ATP2B2: variants seen among roughly 807,000 people sequenced by gnomAD.
ATP2B2 encodes the protein ATPase plasma membrane Ca2+ transporting 2.
A neutral mutation model predicts 120.0 loss-of-function variants in ATP2B2; 15 were observed. That is an observed-to-expected ratio of 0.12 (90% CI 0.08 to 0.19). The LOEUF (loss-of-function observed/expected upper bound fraction) is 0.19, where lower values mean the gene tolerates loss of function less well. Ranked by LOEUF, ATP2B2 falls within the 10% of genes least tolerant of loss-of-function variation. The pLI is 1.00. For synonymous variants in ATP2B2, 694 were observed against 700.3 expected (o/e 0.99, Z 0.14); for missense variants, 1,045 against 1,719.8 (o/e 0.61, Z 6.94).
At chr3:10,456,988 T>G (rs910514885) in intron 1 of ATP2B2, among the ~76,000 whole-genome samples, 16 of 152,232 alleles carry the variant, frequency 1.1e-4, no homozygotes, top group African/African-American at 3.9e-4. Context: ...TCAGCCATTC[T>G]CTTAGATATC....
chr3:10,474,103 T>C (rs2065117048), intron 1 of ATP2B2, among the ~76,000 whole-genome samples: 1 of 151,518 alleles, frequency 6.6e-6, no homozygotes. Flanking sequence ...GCAGCAGTGG[T>C]GTTGGAGAGG....
At chr3:10,460,857 C>A (rs1193096041) in intron 1 of ATP2B2, among the ~76,000 whole-genome samples, 1 of 152,158 alleles carries the variant, frequency 6.6e-6, no homozygotes, top group Non-Finnish European at 1.5e-5. Context: ...TAAGTGGTAG[C>A]ATCTCAGTCT....
intron 12 of ATP2B2, among the ~76,000 whole-genome samples, chr3:10,367,115 G>T (rs2061084439): frequency 1.3e-5 from 2 of 152,140 alleles, no homozygotes; most frequent in Admixed American, 6.5e-5. Flanking sequence ...GGGCTTATTT[G>T]CTACCACTGG....
At chr3:10,547,848 T>A (rs2067585423) in intron 2 of ATP2B2, among the ~76,000 whole-genome samples, 1 of 152,200 alleles carries the variant, frequency 6.6e-6, no homozygotes, top group Non-Finnish European at 1.5e-5. Flanking sequence ...AGTTTAGACA[T>A]TTGCTGAACA....
intron 1 of ATP2B2, among the ~76,000 whole-genome samples, chr3:10,689,254 G>C (rs868610032): frequency 2.0e-5 from 3 of 152,096 alleles, no homozygotes; most frequent in African/African-American, 7.2e-5. Flanking sequence ...TGTGGGTGGC[G>C]GGGCACATGA....
intron 2 of ATP2B2, among the ~76,000 whole-genome samples, chr3:10,552,501 G>C (rs2067691638): frequency 1.3e-5 from 2 of 152,242 alleles, no homozygotes; most frequent in Non-Finnish European, 2.9e-5. Flanking sequence ...CACGTTCAAA[G>C]TCTTCTCACA....
At chr3:10,401,985 A>G in intron 4 of ATP2B2, 106 bp downstream of exon 4, 1 of 1,573,784 alleles carries the variant, frequency 6.4e-7, no homozygotes, top group Non-Finnish European at 8.6e-7. Flanking sequence ...ATCAGCCTTC[A>G]GGAATGCATC....
At chr3:10,337,172 T>A (rs113343491) in intron 22 of ATP2B2, among the ~76,000 whole-genome samples, 1 of 152,134 alleles carries the variant, frequency 6.6e-6, no homozygotes, top group Admixed American at 6.5e-5. Context: ...CACATCTACC[T>A]CCCAGGGCTG....
chr3:10,556,565 G>A (rs991083464), intron 2 of ATP2B2, among the ~76,000 whole-genome samples: 1 of 152,174 alleles, frequency 6.6e-6, no homozygotes, highest in African/African-American at 2.4e-5. Context: ...ACAGACTAGA[G>A]TGAGCAGCAC....
chr3:10,350,307 T>G, intron 15 of ATP2B2, 91 bp downstream of exon 15: 4 of 1,594,290 alleles, frequency 2.5e-6, no homozygotes, highest in Non-Finnish European at 3.4e-6. Flanking sequence ...AGCAGCACAC[T>G]GGCTGGCTTC....
intron 5 of ATP2B2, among the ~76,000 whole-genome samples, chr3:10,400,351 GC>G (rs2062177201): frequency 6.6e-6 from 1 of 152,202 alleles, no homozygotes; most frequent in Non-Finnish European, 1.5e-5. Flanking sequence ...CTGCTTCTGG[GC>G]TTTTGCCCCT....
intron 1 of ATP2B2, among the ~76,000 whole-genome samples, chr3:10,454,631 C>T (rs931231113): frequency 6.6e-6 from 1 of 152,190 alleles, no homozygotes; most frequent in Non-Finnish European, 1.5e-5. Context: ...CACTTTGGTG[C>T]TTGCTCTGAC....
intron 1 of ATP2B2, among the ~76,000 whole-genome samples, chr3:10,505,232 G>A (rs2066573580): frequency 6.6e-6 from 1 of 152,000 alleles, no homozygotes; most frequent in African/African-American, 2.4e-5. Flanking sequence ...CACAACACGC[G>A]GACCCTCACA....
At chr3:10,598,329 G>A (rs2068820937) in intron 2 of ATP2B2, among the ~76,000 whole-genome samples, 1 of 152,126 alleles carries the variant, frequency 6.6e-6, no homozygotes, top group Non-Finnish European at 1.5e-5. Context: ...TGAGCAAATG[G>A]CTTAACGTCA....
chr3:10,573,387 C>T (rs761611486), intron 2 of ATP2B2, among the ~76,000 whole-genome samples: 1 of 152,136 alleles, frequency 6.6e-6, no homozygotes, highest in Non-Finnish European at 1.5e-5. Flanking sequence ...CAGAACTTGG[C>T]ACAGAGAGTA....
At chr3:10,360,961 C>T (rs1436695215) in intron 12 of ATP2B2, among the ~76,000 whole-genome samples, 3 of 152,138 alleles carry the variant, frequency 2.0e-5, no homozygotes, top group Non-Finnish European at 2.9e-5. Flanking sequence ...ATCTGTTCCC[C>T]GTTTCCAAGC....
At chr3:10,633,226 C>T (rs1011584876) in intron 1 of ATP2B2, among the ~76,000 whole-genome samples, 3 of 152,138 alleles carry the variant, frequency 2.0e-5, no homozygotes, top group Non-Finnish European at 2.9e-5. Flanking sequence ...CTTATAGAAT[C>T]GCTGTGGGGG....
chr3:10,660,846 C>A (rs942154848), intron 1 of ATP2B2, among the ~76,000 whole-genome samples: 4 of 152,130 alleles, frequency 2.6e-5, no homozygotes, highest in African/African-American at 9.7e-5. Flanking sequence ...CAAAAATCCT[C>A]AATAAAATAC....
intron 6 of ATP2B2, among the ~76,000 whole-genome samples, chr3:10,387,493 A>G (rs1355431094): frequency 6.6e-6 from 1 of 152,212 alleles, no homozygotes; most frequent in Non-Finnish European, 1.5e-5. Context: ...AGGAGACAAA[A>G]GACTGAAAAT....
Sources: gnomAD v4.1 joint callset for allele counts (sites outside exome capture counted in the v4.1 genomes callset) on GRCh38, gnomAD v4.1.1 for gene constraint, MANE v1.5 for transcripts, NCBI Gene and HGNC (gene_info 2026-07-23, HGNC 2026-07-21) for gene names.